The following GPM6A variants were observed in gnomAD, a reference collection of about 807,000 sequenced individuals.
The protein encoded by GPM6A is neuronal membrane glycoprotein M6-a.
A neutral mutation model predicts 32.1 loss-of-function variants in GPM6A; 7 were observed. That is an observed-to-expected ratio of 0.22 (90% CI 0.12 to 0.41). GPM6A has a LOEUF of 0.41. Ranked by LOEUF, GPM6A falls within the 10% of genes least tolerant of loss-of-function variation. The probability of loss-of-function intolerance (pLI) is 1.00; values close to 1 mark genes in which losing one functional copy is unlikely to be tolerated. For synonymous variants in GPM6A, 130 were observed against 123.4 expected, an observed-to-expected ratio of 1.05 and a Z score of -0.35; for missense variants, 235 against 347.2, an observed-to-expected ratio of 0.68 and a Z score of 2.57.
At chr4:175,863,128 A>G (rs2111423979) in intron 1 of GPM6A, among the ~76,000 whole-genome samples, 1 of 152,256 alleles carries the variant, frequency 6.6e-6, no homozygotes, top group Middle Eastern at 3.4e-3. Flanking sequence ...AAAGTATAAA[A>G]TTTCATGAGA....
intron 1 of GPM6A, among the ~76,000 whole-genome samples, chr4:175,900,468 A>C (rs1277499338): frequency 6.7e-6 from 1 of 148,820 alleles, no homozygotes; most frequent in Non-Finnish European, 1.5e-5. Flanking sequence ...ATATGAACAA[A>C]CCCATCTCAA....
At chr4:175,984,042 C>A (rs1740895384) in intron 1 of GPM6A, among the ~76,000 whole-genome samples, 2 of 152,080 alleles carry the variant, frequency 1.3e-5, no homozygotes, top group Admixed American at 6.6e-5. Flanking sequence ...CACACACACT[C>A]ACACACACCT....
At chr4:175,975,841 A>C (rs1740640845) in intron 1 of GPM6A, among the ~76,000 whole-genome samples, 1 of 152,170 alleles carries the variant, frequency 6.6e-6, no homozygotes, top group South Asian at 2.1e-4. Flanking sequence ...AAAAGCACCC[A>C]AAAATAACAC....
At chr4:175,901,445 A>C (rs541288478) in intron 1 of GPM6A, among the ~76,000 whole-genome samples, 5 of 152,166 alleles carry the variant, frequency 3.3e-5, no homozygotes, top group Admixed American at 2.6e-4. Flanking sequence ...AAATATTAAA[A>C]ATAGAAAAAT....
At chr4:175,682,200 T>C (rs1481798333) in intron 2 of GPM6A, among the ~76,000 whole-genome samples, 3 of 152,184 alleles carry the variant, frequency 2.0e-5, no homozygotes, top group Non-Finnish European at 4.4e-5. Context: ...AAGTTTGAAC[T>C]TCAAAGTGAT....
intron 1 of GPM6A, among the ~76,000 whole-genome samples, chr4:175,945,824 G>T (rs1331210287): frequency 1.3e-5 from 2 of 149,896 alleles, no homozygotes; most frequent in African/African-American, 5.1e-5. Flanking sequence ...AGTAATACGG[G>T]TGCATATTAC....
At chr4:175,819,936 TA>T (rs941097674) in intron 1 of GPM6A, among the ~76,000 whole-genome samples, 35 of 152,164 alleles carry the variant, frequency 2.3e-4, no homozygotes, top group African/African-American at 8.2e-4. Flanking sequence ...CGATTGAAGT[TA>T]AAAATATTAA....
At chr4:175,734,502 T>C (rs1731571780) in intron 1 of GPM6A, among the ~76,000 whole-genome samples, 1 of 152,176 alleles carries the variant, frequency 6.6e-6, no homozygotes, top group Admixed American at 6.6e-5. Context: ...TCAGTCTTCT[T>C]TGCTAGTTTC....
intron 1 of GPM6A, among the ~76,000 whole-genome samples, chr4:175,986,837 C>T (rs956805769): frequency 1.3e-5 from 2 of 152,170 alleles, no homozygotes; most frequent in Admixed American, 6.5e-5. Flanking sequence ...TTGATCAATG[C>T]ACATCTCTCA....
intron 1 of GPM6A, among the ~76,000 whole-genome samples, chr4:175,896,714 G>A (rs1037582078): frequency 2.0e-5 from 3 of 152,090 alleles, no homozygotes; most frequent in South Asian, 2.1e-4. Context: ...TCTTCTTGGG[G>A]TGGGGGCAGG....
chr4:175,987,262 G>C (rs1741002929), intron 1 of GPM6A, among the ~76,000 whole-genome samples: 2 of 152,080 alleles, frequency 1.3e-5, no homozygotes, highest in East Asian at 3.9e-4. Context: ...CTGATTTTTA[G>C]GACCATCTCT....
chr4:175,947,800 A>G (rs987437054), intron 1 of GPM6A: 2 of 152,212 alleles, frequency 1.3e-5, no homozygotes, highest in African/African-American at 2.4e-5. Flanking sequence ...CAAGTACACT[A>G]TGTTGTCTCC....
At chr4:175,721,817 A>G (rs1254042989) in intron 1 of GPM6A, among the ~76,000 whole-genome samples, 1 of 152,216 alleles carries the variant, frequency 6.6e-6, no homozygotes, top group African/African-American at 2.4e-5. Flanking sequence ...TTTTTACCCA[A>G]CATCTGATAA....
chr4:175,749,736 C>T (rs1560911981), intron 1 of GPM6A, among the ~76,000 whole-genome samples: 2 of 152,138 alleles, frequency 1.3e-5, no homozygotes, highest in African/African-American at 4.8e-5. Context: ...TCAAATCACC[C>T]TTACTTTTTT....
chr4:175,752,342 G>A (rs1183200849), intron 1 of GPM6A, among the ~76,000 whole-genome samples: 1 of 152,032 alleles, frequency 6.6e-6, no homozygotes, highest in Non-Finnish European at 1.5e-5. Flanking sequence ...GCCTGCTGGT[G>A]GACAGCACAC....
chr4:175,986,627 C>T (rs1740983380), intron 1 of GPM6A, among the ~76,000 whole-genome samples: 1 of 152,162 alleles, frequency 6.6e-6, no homozygotes, highest in African/African-American at 2.4e-5. Flanking sequence ...CAAAACCTTT[C>T]TTATATTTTC....
chr4:175,656,497 T>A (rs1216276036), intron 3 of GPM6A, among the ~76,000 whole-genome samples: 1 of 152,282 alleles, frequency 6.6e-6, no homozygotes, highest in East Asian at 1.9e-4. Context: ...AAACCACATG[T>A]AATTATTGTT....
chr4:175,924,265 C>T (rs1220263247), intron 1 of GPM6A, among the ~76,000 whole-genome samples: 1 of 152,122 alleles, frequency 6.6e-6, no homozygotes, highest in Non-Finnish European at 1.5e-5. Context: ...CTTACAGAAA[C>T]AGCAGGCAGT....
chr4:175,687,545 T>C (rs1744054118), intron 2 of GPM6A, among the ~76,000 whole-genome samples: 1 of 152,032 alleles, frequency 6.6e-6, no homozygotes. Context: ...ACTGTATGTA[T>C]ATACTGTATT....
Sources: allele counts gnomAD v4.1 joint callset (sites outside exome capture counted in the v4.1 genomes callset), GRCh38; gene constraint gnomAD v4.1.1; transcripts MANE v1.5; gene names NCBI Gene and HGNC (gene_info 2026-07-23, HGNC 2026-07-21).